SEPTIN7: variants seen among roughly 807,000 people sequenced by gnomAD.
SEPTIN7 encodes septin-7.
A neutral mutation model predicts 63.3 loss-of-function variants in SEPTIN7; 10 were observed. The ratio of observed to expected loss-of-function variants is 0.16; its 90% CI spans 0.10 to 0.27. The LOEUF is 0.27. Ranked by LOEUF, SEPTIN7 falls within the 10% of genes least tolerant of loss-of-function variation. The pLI is 1.00. For missense variants in SEPTIN7, 310 were observed against 521.0 expected (o/e 0.59, Z 3.94); for synonymous variants, 131 against 165.3 (o/e 0.79, Z 1.59).
chr7:35,882,424 A>G, intron 7 of SEPTIN7, 60 bp from the exon 8 acceptor site: 7 of 1,256,274 alleles, frequency 5.6e-6, no homozygotes, highest in Non-Finnish European at 7.2e-6. Flanking sequence ...TGTAATGAAC[A>G]TAAGACTAAT....
intron 3 of SEPTIN7, among the ~76,000 whole-genome samples, chr7:35,847,654 A>G (rs903473701): frequency 6.6e-6 from 1 of 152,194 alleles, no homozygotes; most frequent in Non-Finnish European, 1.5e-5. Context: ...TATTAAGTAT[A>G]GTCACACCAC....
intron 11 of SEPTIN7, among the ~76,000 whole-genome samples, chr7:35,896,528 T>C (rs1256137450): frequency 6.6e-6 from 1 of 152,174 alleles, no homozygotes; most frequent in Non-Finnish European, 1.5e-5. Context: ...GGGCAGTCAT[T>C]GACACTGTGT....
chr7:35,802,047 G>A (rs1788027699), intron 1 of SEPTIN7, among the ~76,000 whole-genome samples: 1 of 152,128 alleles, frequency 6.6e-6, no homozygotes, highest in African/African-American at 2.4e-5. Flanking sequence ...TGGGAAGGGC[G>A]CCCCCCGGAG....
chr7:35,902,027 T>C (rs1372030873), intron 12 of SEPTIN7: 1 of 150,216 alleles, frequency 6.7e-6, no homozygotes, highest in East Asian at 1.9e-4. Flanking sequence ...TGCAAAATTA[T>C]AGTAACATAT....
At chr7:35,888,042 A>C (rs990168028) in intron 10 of SEPTIN7, among the ~76,000 whole-genome samples, 20 of 152,224 alleles carry the variant, frequency 1.3e-4, no homozygotes, top group African/African-American at 4.3e-4. Context: ...AGGCAAACCA[A>C]GGAAGACGAT....
At chr7:35,803,120 G>C (rs1291539332) in intron 1 of SEPTIN7, 1 of 948,278 alleles carries the variant, frequency 1.1e-6, no homozygotes, top group South Asian at 4.9e-5. Context: ...TAAAAAGAAA[G>C]GATATTGTCT....
chr7:35,840,149 C>T (rs1416631049), intron 3 of SEPTIN7, among the ~76,000 whole-genome samples: 1 of 76,116 alleles, frequency 1.3e-5, no homozygotes, highest in African/African-American at 5.5e-5. Flanking sequence ...CTTCCTCCTT[C>T]CCCCTTCCCC....
chr7:35,810,424 C>T (rs1355392280), intron 1 of SEPTIN7, among the ~76,000 whole-genome samples: 14 of 151,114 alleles, frequency 9.3e-5, no homozygotes, highest in Non-Finnish European at 1.6e-4. Flanking sequence ...CCCACGTTAA[C>T]GCCATTCTTC....
At chr7:35,911,760 C>G (rs995499128), downstream of SEPTIN7, among the ~76,000 whole-genome samples, 16 of 152,170 alleles carry the variant, frequency 1.1e-4, no homozygotes, top group Admixed American at 7.2e-4. Context: ...CTATTAATAG[C>G]TCTTAGTAAG....
intron 1 of SEPTIN7, among the ~76,000 whole-genome samples, chr7:35,816,185 A>G (rs1789047164): frequency 6.6e-6 from 1 of 152,150 alleles, no homozygotes; most frequent in Non-Finnish European, 1.5e-5. Context: ...CTTTTAGGAC[A>G]TTTTCATCAG....
intron 1 of SEPTIN7, among the ~76,000 whole-genome samples, chr7:35,810,905 T>C (rs1192902596): frequency 6.6e-6 from 1 of 152,096 alleles, no homozygotes; most frequent in South Asian, 2.1e-4. Context: ...TAGCTGGGAT[T>C]ACAGGCACAT....
At chr7:35,801,492 C>T (rs371412774) in intron 1 of SEPTIN7, among the ~76,000 whole-genome samples, 1 of 151,184 alleles carries the variant, frequency 6.6e-6, no homozygotes, top group Non-Finnish European at 1.5e-5. Flanking sequence ...TGAGGAGAGC[C>T]GAGGCGGCGG....
chr7:35,838,311 TC>T (rs1562536963), intron 3 of SEPTIN7, among the ~76,000 whole-genome samples: 2 of 1,368 alleles, frequency 1.5e-3, no homozygotes, highest in Admixed American at 7.6e-3. Context: ...CTTCCCTCCC[TC>T]CCTCCCTCCC....
intron 4 of SEPTIN7, among the ~76,000 whole-genome samples, chr7:35,870,555 C>G (rs1371423095): frequency 2.0e-5 from 3 of 152,024 alleles, no homozygotes; most frequent in Admixed American, 2.0e-4. Context: ...CCACAGTTAC[C>G]ATGAATAAAT....
At position 35,863,605 on chromosome 7, in the gene SEPTIN7, T is replaced by C. The variant is rs746160206; in HGVS notation, c.223T>C (p.Leu75=). 3.8e-6 allele frequency: 6 copies of C among 1,590,948 alleles called. No homozygotes were observed. Among genetic ancestry groups the C allele is most frequent in the Non-Finnish European group, 4.3e-6 (5 of 1,175,386 alleles). ...AATCAACTCATTATTCCTCACAGAT[T>C]TGTATTCTCCAGAGTATCCAGGTCC... ...TLINSLFLTD[L]YSPEYPGPSH... The change falls in exon 4 of 14, where the codon TTG becomes CTG. Residue 75 remains leucine (L), a synonymous_variant. Coordinates refer to ENST00000350320, the MANE Select transcript of SEPTIN7 (RefSeq NM_001788.6).
Position 35,873,715 on chromosome 7 carries a change from G to A in SEPTIN7, c.452G>A (p.Arg151His), listed in dbSNP as rs1786299522. 4.3e-6 allele frequency: 7 copies of A among 1,610,806 alleles called. No individual in the cohort carries two copies. Among genetic ancestry groups the A allele is most frequent in the Admixed American group, 1.7e-5 (1 of 59,918 alleles). ...YLNAESRVNR[R>H]QMPDNRVQCC... ...AATGCAGAATCACGAGTGAACAGAC[G>A]TCAGATGCCTGATAACAGGGTGCAG... The change falls in exon 6 of 14, where the codon CGT becomes CAT. Residue 151 changes from arginine to histidine, a missense_variant. By Grantham distance (29) the Arg-to-His change is conservative (BLOSUM62 0). Around this residue, in one of 2 missense-constraint regions of SEPTIN7, gnomAD observed 255 missense variants for 490.5 expected, o/e 0.52. Transcript: ENST00000350320.
At chr7:35,894,213 C>A (rs1199788499) in intron 11 of SEPTIN7, among the ~76,000 whole-genome samples, 1 of 146,982 alleles carries the variant, frequency 6.8e-6, no homozygotes, top group Non-Finnish European at 1.5e-5. Context: ...TACTTAAAAT[C>A]ACATTTTATT....
intron 9 of SEPTIN7, 95 bp from the exon 10 acceptor site, chr7:35,885,732 CT>C: frequency 4.4e-6 from 4 of 912,236 alleles, no homozygotes; most frequent in Non-Finnish European, 5.3e-6. Flanking sequence ...TGCATTTCCT[CT>C]TCTTGTTTTT....
chr7:35,817,855 T>C (rs1789175630), intron 1 of SEPTIN7, among the ~76,000 whole-genome samples: 1 of 152,018 alleles, frequency 6.6e-6, no homozygotes, highest in Non-Finnish European at 1.5e-5. Context: ...TGTATATTGA[T>C]CTTATATCAT....
Sources: allele counts gnomAD v4.1 joint callset (sites outside exome capture counted in the v4.1 genomes callset), GRCh38; gene constraint gnomAD v4.1.1; regional missense constraint gnomAD v4.1.1; transcripts MANE v1.5; gene names NCBI Gene and HGNC (gene_info 2026-07-23, HGNC 2026-07-21).